The following PRDM15 variants were observed in gnomAD, a reference collection of about 807,000 sequenced individuals.
PRDM15 encodes the protein PR/SET domain 15.
A neutral mutation model predicts 128.6 loss-of-function variants in PRDM15; 64 were observed. That is an observed-to-expected ratio of 0.50 (90% CI 0.41 to 0.61). The LOEUF is 0.61. PRDM15 is among the 20% of genes least tolerant of loss of function. The pLI, the probability that PRDM15 is intolerant of heterozygous loss-of-function variation, is 0.00. For synonymous variants in PRDM15, 615 were observed against 621.8 expected, an observed-to-expected ratio of 0.99 and a Z score of 0.16; for missense variants, 1,242 against 1,569.1, an observed-to-expected ratio of 0.79 and a Z score of 3.52.
At chr21:41,808,302 G>T (rs28392762) in intron 21 of PRDM15, among the ~76,000 whole-genome samples, 1 of 152,180 alleles carries the variant, frequency 6.6e-6, no homozygotes, top group Non-Finnish European at 1.5e-5. Flanking sequence ...TGAGAAGGGA[G>T]GCAATGGAGC....
intron 21 of PRDM15, among the ~76,000 whole-genome samples, chr21:41,808,111 G>A (rs547807813): frequency 2.6e-5 from 4 of 152,184 alleles, no homozygotes; most frequent in Admixed American, 6.5e-5. Flanking sequence ...TTATCAATAC[G>A]CGGAAGTCTA....
Position 41,810,755 on chromosome 21 carries a change from G to A in PRDM15, c.2474C>T (p.Thr825Ile). 1 of 1,613,458 alleles carries A rather than the reference G, an allele frequency of 6.2e-7. No individual in the cohort carries two copies. The highest frequency in any genetic ancestry group is 8.5e-7 in the Non-Finnish European group (1 of 1,179,484). ...CTCCTTCAGGCTGCGCCGCTCACCT[G>A]TGTGGATGAGCTTGTGGGTCTCCAT... Reference protein sequence around the residue: ...NTMETHKLIHTVGKQWTCSVC... With the variant: ...NTMETHKLIHIVGKQWTCSVC... Residue 825 changes from threonine to isoleucine, a missense_variant and splice_region_variant, in exon 20 of 24, where the codon ACA (threonine) becomes ATA (isoleucine). Thr to Ile is a moderately conservative substitution (Grantham distance 89). Transcript: ENST00000398548. The surrounding 1 kb of genome is among the most constrained non-coding windows in gnomAD (Gnocchi z 6.4).
chr21:41,839,540 C>CACA, intron 7 of PRDM15, 83 bp downstream of exon 7: 1 of 1,182,718 alleles, frequency 8.5e-7, no homozygotes, highest in Non-Finnish European at 1.3e-6. Context: ...CCGCCCCGCC[C>CACA]TCTGCCCCCT....
In PRDM15 at chr21:41,810,919, TC is replaced by T; in HGVS notation, c.2393-84del. 8.0e-7 allele frequency: 1 copy of T among 1,247,274 alleles called. No individual in the cohort carries two copies. The highest frequency in any genetic ancestry group is 1.2e-6 in the Non-Finnish European group (1 of 850,452). The allele number at this position is 1,247,274 out of a possible 1,614,324, so 77.3% of individuals were successfully genotyped here. On this transcript the variant is annotated intron_variant, in intron 19 of 23. Transcript: ENST00000398548. The surrounding 1 kb of genome is among the most constrained non-coding windows in gnomAD (Gnocchi z 6.4). ...AGGGCATGTCTTCTCCCTGACACGT[TC>T]CAGGCACTGTAGGGCCTTCAGGAGA...
chr21:41,823,044 A>AG, intron 14 of PRDM15: 1 of 398,902 alleles, frequency 2.5e-6, no homozygotes, highest in African/African-American at 2.1e-5. Context: ...AAAAAAAAAA[A>AG]AAAAGAATGG....
intron 14 of PRDM15, 118 bp downstream of exon 14, chr21:41,823,200 C>T (rs762509371): frequency 2.7e-5 from 35 of 1,304,348 alleles, no homozygotes; most frequent in Non-Finnish European, 3.7e-5. Flanking sequence ...CCGTGAGCAG[C>T]ACATGTCTGC....
In PRDM15 at chr21:41,847,177, C is replaced by T; in HGVS notation, c.553G>A (p.Glu185Lys). The T allele has an allele frequency of 6.4e-7, 1 of 1,552,618 alleles. No homozygotes were observed. The highest frequency in any genetic ancestry group is 8.7e-7 in the Non-Finnish European group (1 of 1,147,234). Residue 185 changes from glutamate (E) to lysine (K), a missense_variant, in exon 6 of 24, where the codon GAA becomes AAA. Glu to Lys is a moderately conservative substitution (Grantham distance 56, BLOSUM62 1). Coordinates refer to ENST00000398548, the MANE Select transcript of PRDM15 (RefSeq NM_001040424.3). The part of the protein sequence containing the change: ...GSGVHAAGTP[E>K]NSAPVESEPS... ...TCCGACTCCACGGGGGCGCTGTTTT[C>T]TGGGGTGCCTGCAGCTTCAAAAGAC...
chr21:41,837,087 TATAA>T (rs1198347671), intron 8 of PRDM15, among the ~76,000 whole-genome samples: 3 of 152,196 alleles, frequency 2.0e-5, no homozygotes, highest in South Asian at 2.1e-4. Flanking sequence ...TAAGATAAAG[TATAA>T]ATAAATAAAC....
rs991588753 is a variant in PRDM15, at chr21:41,832,865, G to A, written c.1366+2572C>T. 5.3e-5 allele frequency among the ~76,000 whole-genome samples: 8 copies of A among 152,226 alleles called. No individual in the cohort carries two copies. The highest frequency in any genetic ancestry group is 2.0e-4 in the Admixed American group (3 of 15,282). On this transcript the variant is annotated intron_variant, in intron 11 of 23. Transcript: ENST00000398548. This position sits in a 1 kb window ranked among gnomAD's most constrained non-coding sequence, Gnocchi z 4.2. Reference sequence around the variant, plus strand: ...ACCATGGAAAGAGAACCTACTTCAGGCCACTCCCCAGCTGTCCCGGACAAC... The same window carrying A: ...ACCATGGAAAGAGAACCTACTTCAGACCACTCCCCAGCTGTCCCGGACAAC...
chr21:41,822,161 G>A (rs542369268), intron 14 of PRDM15, 124 bp from the exon 15 acceptor site: 245 of 1,364,468 alleles, frequency 1.8e-4, no homozygotes, highest in Non-Finnish European at 2.3e-4. Context: ...TGATGCCCGT[G>A]GCGCCCTAAC....
chr21:41,809,442 A>G (rs1372448424), intron 21 of PRDM15, among the ~76,000 whole-genome samples: 1 of 152,066 alleles, frequency 6.6e-6, no homozygotes, highest in Non-Finnish European at 1.5e-5. Flanking sequence ...CATGTTGGCC[A>G]GGCTGGTCTC....
intron 1 of PRDM15, chr21:41,861,894 A>C: frequency 1.2e-6 from 2 of 1,605,208 alleles, no homozygotes; most frequent in Non-Finnish European, 1.7e-6. Context: ...CTCCCAAAAC[A>C]GCACTGTATC....
intron 12 of PRDM15, among the ~76,000 whole-genome samples, chr21:41,827,575 C>G (rs1276930374): frequency 6.6e-6 from 1 of 152,220 alleles, no homozygotes; most frequent in Non-Finnish European, 1.5e-5. Flanking sequence ...CTGCTGGCCT[C>G]AAGCGATCCT....
chr21:41,867,300 C>G (rs1349789799), intron 1 of PRDM15: 3 of 1,612,376 alleles, frequency 1.9e-6, no homozygotes, highest in Admixed American at 1.7e-5. Flanking sequence ...TAGCCCTGAC[C>G]TCCTCCGTTC....
At chr21:41,878,767 C>CGA (rs2064518082) in intron 1 of PRDM15, 1 of 1,481,062 alleles carries the variant, frequency 6.8e-7, no homozygotes, top group Admixed American at 2.2e-5. Flanking sequence ...GGGCTGTACC[C>CGA]GAGGGCGGGG....
intron 19 of PRDM15, chr21:41,812,847 T>C (rs1230433481): frequency 6.6e-6 from 1 of 152,218 alleles, no homozygotes; most frequent in East Asian, 1.9e-4. Flanking sequence ...GGGAGTGTGT[T>C]TGTTTCACCA....
chr21:41,873,399 C>G (rs766462401), intron 1 of PRDM15, among the ~76,000 whole-genome samples: 3 of 152,228 alleles, frequency 2.0e-5, no homozygotes, highest in Non-Finnish European at 4.4e-5. Flanking sequence ...CTCCGAACGC[C>G]CAATGTCCAA....
In PRDM15 at chr21:41,828,218, C is replaced by T; in HGVS notation, c.1482G>A (p.Lys494=). 1 of 1,614,102 alleles carries T rather than the reference C, an allele frequency of 6.2e-7. No individual in the cohort carries two copies. Among genetic ancestry groups the T allele is most frequent in the Non-Finnish European group, 8.5e-7 (1 of 1,179,976 alleles). The stretch of plus-strand genomic sequence containing the variant: ...GCATGACGTCCTTGCGGTAGAACAT[C>T]TTGCTGCAGACCTCACAGGCAAACT... ...DKKFACEVCS[K]MFYRKDVMLD... Residue 494 remains lysine (K), a synonymous_variant, in exon 12 of 24, where the codon AAG becomes AAA. Coordinates refer to ENST00000398548, the MANE Select transcript of PRDM15 (RefSeq NM_001040424.3). The surrounding 1 kb of genome is among the most constrained non-coding windows in gnomAD (Gnocchi z 5.7).
Position 41,800,943 on chromosome 21 carries a change from G to A in PRDM15, c.*297C>T, listed in dbSNP as rs914891383. ...CACTTTCCCGAACCCTGTGTCGGGC[G>A]AACACTGGTTCTGTAAGGGGAGGCA... On this transcript the variant is annotated 3_prime_UTR_variant, in exon 24 of 24. Coordinates refer to ENST00000398548, the MANE Select transcript of PRDM15 (RefSeq NM_001040424.3). The A allele has an allele frequency of 1.1e-5, 4 of 350,552 alleles. No individual in the cohort carries two copies. Among genetic ancestry groups the A allele is most frequent in the East Asian group, 8.9e-5 (2 of 22,360 alleles). 21.7% of individuals were successfully genotyped at this position (350,552 alleles called of 1,614,324 possible). A position where few individuals can be genotyped will look rare whatever the true frequency, so the allele number is the denominator to read the frequency against.
Sources: gnomAD v4.1 joint callset for allele counts (sites outside exome capture counted in the v4.1 genomes callset) on GRCh38, gnomAD v4.1.1 for gene constraint, Gnocchi (gnomAD v3.1) non-coding constraint, MANE v1.5 for transcripts, NCBI Gene and HGNC (gene_info 2026-07-23, HGNC 2026-07-21) for gene names.